The following ZKSCAN2 variants were observed in gnomAD, a reference collection of about 807,000 sequenced individuals.
ZKSCAN2 encodes the protein zinc finger protein with KRAB and SCAN domains 2.
ZKSCAN2 carries 38 observed loss-of-function variants against 90.5 expected under a neutral mutation model. That is an observed-to-expected ratio of 0.42 (90% CI 0.32 to 0.55). The LOEUF is 0.55. ZKSCAN2 is among the 20% of genes least tolerant of loss of function. The pLI is 0.11. For synonymous variants in ZKSCAN2, 429 were observed against 421.6 expected (o/e 1.02, Z -0.22); for missense variants, 1,167 against 1,202.6 (o/e 0.97, Z 0.44).
intron 2 of ZKSCAN2, 24 bp downstream of exon 2, chr16:25,255,182 C>G: frequency 6.3e-7 from 1 of 1,583,534 alleles, no homozygotes; most frequent in Non-Finnish European, 8.6e-7. Flanking sequence ...CTGCACTAGG[C>G]GTGCTCCGAG....
chr16:25,239,770 T>C lies in ZKSCAN2; in HGVS notation c.*46A>G. On this transcript the variant is annotated 3_prime_UTR_variant, in exon 7 of 7. Transcript: ENST00000328086. ...GAAAAGATTGCTTCCAAGAATGAGA[T>C]TAGGGTAAAATGGCTAAGGGGGCAT... 1 of 1,472,760 alleles carries C rather than the reference T, an allele frequency of 6.8e-7. No homozygotes were observed. The highest frequency in any genetic ancestry group is 9.2e-7 in the Non-Finnish European group (1 of 1,091,452). The allele number at this position is 1,472,760 out of a possible 1,614,324, so 91.2% of individuals were successfully genotyped here.
At position 25,246,122 on chromosome 16, in the gene ZKSCAN2, CTT is replaced by C. The variant is rs531549903; in HGVS notation, c.1489+583_1489+584del. 4.3e-4 allele frequency: 66 copies of C among 153,350 alleles called. 1 individual carries two copies. The highest frequency in any genetic ancestry group is 3.4e-3 in the Middle Eastern group (1 of 294). The allele number at this position is 153,350 out of a possible 1,614,324, so 9.5% of individuals were successfully genotyped here. A position where few individuals can be genotyped will look rare whatever the true frequency, so the allele number is the denominator to read the frequency against. ...TCTGTATTATATTTAAGGTGGATCT[CTT>C]ATAAGCAATTAATGTCTGATAATCT... On this transcript the variant is annotated intron_variant, in intron 5 of 6. Transcript: ENST00000328086.
At chr16:25,242,638 G>A (rs534581393) in intron 6 of ZKSCAN2, among the ~76,000 whole-genome samples, 9 of 152,296 alleles carry the variant, frequency 5.9e-5, no homozygotes, top group East Asian at 1.9e-4. Flanking sequence ...AGGGAACATC[G>A]CAAGCTAAAG....
chr16:25,250,258 G>A (rs1314395747), intron 4 of ZKSCAN2, among the ~76,000 whole-genome samples: 1 of 152,028 alleles, frequency 6.6e-6, no homozygotes, highest in Non-Finnish European at 1.5e-5. Flanking sequence ...GCAGCGAGCC[G>A]AGATTGCACC....
intron 5 of ZKSCAN2, among the ~76,000 whole-genome samples, chr16:25,245,885 T>C (rs1962926436): frequency 6.6e-6 from 1 of 152,212 alleles, no homozygotes; most frequent in Non-Finnish European, 1.5e-5. Flanking sequence ...CCTTCATTTA[T>C]ATTATCCTAT....
chr16:25,249,045 T>C (rs558383810), intron 4 of ZKSCAN2, among the ~76,000 whole-genome samples: 1 of 152,256 alleles, frequency 6.6e-6, no homozygotes, highest in African/African-American at 2.4e-5. Context: ...AAAAGACATA[T>C]ATCACATGAC....
intron 6 of ZKSCAN2, 94 bp from the exon 7 acceptor site, chr16:25,240,832 C>T: frequency 1.0e-6 from 1 of 963,330 alleles, no homozygotes; most frequent in East Asian, 2.5e-5. Context: ...GCTCTCCATA[C>T]ACTTCTCTAA....
intron 3 of ZKSCAN2, 44 bp downstream of exon 3, chr16:25,252,902 A>T: frequency 6.8e-7 from 1 of 1,460,768 alleles, no homozygotes; most frequent in Non-Finnish European, 9.6e-7. Context: ...TGGGTGACAG[A>T]GTGAGACTCC....
rs775594356 is a variant in ZKSCAN2 at position 25,253,028 on chromosome 16, G to T, written c.596C>A (p.Ser199Tyr). 1.3e-5 allele frequency: 21 copies of T among 1,613,752 alleles called. No homozygotes were observed. Among genetic ancestry groups the T allele is most frequent in the Non-Finnish European group, 1.7e-5 (20 of 1,179,758 alleles). Reference protein sequence around the residue: ...RRPLPKNARPSPWVPALADEW... With the variant: ...RRPLPKNARPYPWVPALADEW... The stretch of plus-strand genomic sequence containing the variant: ...ATCAGCAAGGGCAGGAACCCAGGGA[G>T]AAGGCCGAGCTGTAAGAATAGAAAG... The change falls in exon 3 of 7, where the codon TCT becomes TAT. Residue 199 changes from serine to tyrosine, a missense_variant. Ser to Tyr is a moderately radical substitution (Grantham distance 144, BLOSUM62 -2). Transcript: ENST00000328086.
chr16:25,239,771 T>G lies in ZKSCAN2; in HGVS notation c.*45A>C. On this transcript the variant is annotated 3_prime_UTR_variant, in exon 7 of 7. Transcript: ENST00000328086. ...AAAAGATTGCTTCCAAGAATGAGAT[T>G]AGGGTAAAATGGCTAAGGGGGCATT... The G allele has an allele frequency of 1.4e-6, 2 of 1,477,204 alleles. No homozygotes were observed. Among genetic ancestry groups the G allele is most frequent in the Non-Finnish European group, 1.8e-6 (2 of 1,095,376 alleles). 91.5% of individuals were successfully genotyped at this position (1,477,204 alleles called of 1,614,324 possible).
chr16:25,257,433 G>A lies in ZKSCAN2; in HGVS notation c.-306C>T, dbSNP rs111533094. ...GGAAACCGGGAGGCTGGACGACTGG[G>A]AGAAAAATGAAGCAGGCTGAGGAAA... On this transcript the variant is annotated 5_prime_UTR_variant, in exon 1 of 7. Transcript: ENST00000328086. 678 of 1,086,644 alleles carry A rather than the reference G, an allele frequency of 6.2e-4. 1 individual carries two copies. The African/African-American group carries it at 8.7e-3, about 14-fold the overall frequency. 67.3% of individuals were successfully genotyped at this position (1,086,644 alleles called of 1,614,324 possible).
chr16:25,252,135 A>C, intron 3 of ZKSCAN2, 100 bp from the exon 4 acceptor site: 2 of 1,378,736 alleles, frequency 1.5e-6, no homozygotes, highest in Admixed American at 2.2e-5. Flanking sequence ...AAAGAACTGA[A>C]ATCAAGGAAC....
At position 25,254,089 on chromosome 16, in the gene ZKSCAN2, TA is replaced by T. The variant is rs543503709; in HGVS notation, c.587-1053del. On this transcript the variant is annotated intron_variant, in intron 2 of 6. Transcript: ENST00000328086. ...AGTATCCTGACCAAGGCCACATAGA[TA>T]AAAAAATGGCAGAGCTAGGTTTTGA... Among the ~76,000 whole-genome samples, 5 of 152,272 alleles carry T rather than the reference TA, an allele frequency of 3.3e-5. No homozygotes were observed. In the East Asian group the frequency reaches 9.6e-4, roughly 29 times the overall value.
rs1284836974 is a variant in ZKSCAN2, at chr16:25,246,791, C to A, written c.1405G>T (p.Asp469Tyr). 1 of 1,614,078 alleles carries A rather than the reference C, an allele frequency of 6.2e-7. No individual in the cohort carries two copies. The highest frequency in any genetic ancestry group is 8.5e-7 in the Non-Finnish European group (1 of 1,180,040). ...SLVEEEEAAEDSDDDEIGIEF... is the reference protein window; with the variant it reads ...SLVEEEEAAEYSDDDEIGIEF... ...ATGCCTATTTCATCATCATCAGAATCTTCTGCAGCTTCCTCCTCCTCCACC... is the reference window on the plus strand; with the variant it reads ...ATGCCTATTTCATCATCATCAGAATATTCTGCAGCTTCCTCCTCCTCCACC... Residue 469 changes from aspartate to tyrosine, a missense_variant, in exon 5 of 7, where the codon GAT becomes TAT. Physicochemically the swap from Asp to Tyr is radical, Grantham distance 160. Transcript: ENST00000328086.
chr16:25,256,339 C>CT (rs59703586), intron 1 of ZKSCAN2, among the ~76,000 whole-genome samples: 2,658 of 141,920 alleles, frequency 0.019, 59 homozygotes, highest in African/African-American at 0.055. Flanking sequence ...CGGATGAAGT[C>CT]TTTTTTTTTT....
chr16:25,250,302 G>GT (rs928611695), intron 4 of ZKSCAN2, among the ~76,000 whole-genome samples: 3 of 151,212 alleles, frequency 2.0e-5, no homozygotes, highest in African/African-American at 7.3e-5. Flanking sequence ...GCAAAACTCT[G>GT]TCTCAAAAAA....
chr16:25,241,583 C>G (rs922959768), intron 6 of ZKSCAN2, among the ~76,000 whole-genome samples: 1 of 152,234 alleles, frequency 6.6e-6, no homozygotes, highest in Non-Finnish European at 1.5e-5. Flanking sequence ...CGCCCACATA[C>G]TCCCTGCTCC....
chr16:25,237,406 C>T lies in ZKSCAN2; in HGVS notation c.*2410G>A, dbSNP rs1962786023. On this transcript the variant is annotated 3_prime_UTR_variant, in exon 7 of 7. Coordinates refer to ENST00000328086, the MANE Select transcript of ZKSCAN2 (RefSeq NM_001012981.5). ...ACCCAAATTCCACCTCAGCTTGCTC[C>T]CAGGCATATGAGAGTTAAACAGAAT... The T allele has an allele frequency of 6.6e-6, 1 of 152,158 alleles. No individual in the cohort carries two copies. Among genetic ancestry groups the T allele is most frequent in the Non-Finnish European group, 1.5e-5 (1 of 68,060 alleles). 9.4% of individuals were successfully genotyped at this position (152,158 alleles called of 1,614,324 possible).
In ZKSCAN2 at chr16:25,240,184, G is replaced by A; in HGVS notation, c.2536C>T (p.Leu846Phe). Residue 846 changes from leucine (L) to phenylalanine (F), a missense_variant, in exon 7 of 7, where the codon CTT becomes TTT. By Grantham distance (22) the Leu-to-Phe change is conservative. Transcript: ENST00000328086. The stretch of plus-strand genomic sequence containing the variant: ...GTGTGCGTTCTCTGATGTATAATAA[G>A]ACTAGAGCTCTGACTAAAGCATTTT... ...CGKCFSQSSSLIIHQRTHTGE... is the reference protein window; with the variant it reads ...CGKCFSQSSSFIIHQRTHTGE... 1 of 1,614,078 alleles carries A rather than the reference G, an allele frequency of 6.2e-7. No homozygotes were observed. The highest frequency in any genetic ancestry group is 8.5e-7 in the Non-Finnish European group (1 of 1,180,030).
Sources: gnomAD v4.1 joint callset for allele counts (sites outside exome capture counted in the v4.1 genomes callset) on GRCh38, gnomAD v4.1.1 for gene constraint, MANE v1.5 for transcripts, NCBI Gene and HGNC (gene_info 2026-07-23, HGNC 2026-07-21) for gene names.